The following VWA3A variants were observed in gnomAD, a reference collection of about 807,000 sequenced individuals.
VWA3A encodes von Willebrand factor A domain containing 3A, also known as von Willebrand factor A domain-containing protein 3A.
In VWA3A, 134 loss-of-function variants were observed where a neutral mutation model predicts 160.4. That is an observed-to-expected ratio of 0.84 (90% CI 0.73 to 0.96). VWA3A has a LOEUF of 0.96. VWA3A is among the 40% of genes least tolerant of loss of function. VWA3A has a pLI of 0.00. For synonymous variants in VWA3A, 476 were observed against 543.4 expected (o/e 0.88, Z 1.72); for missense variants, 1,310 against 1,447.9 (o/e 0.90, Z 1.55).
intron 12 of VWA3A, 92 bp downstream of exon 12, chr16:22,119,119 C>G (rs1429889651): frequency 7.3e-7 from 1 of 1,374,030 alleles, no homozygotes; most frequent in Non-Finnish European, 9.6e-7. Context: ...GGGGGCACAG[C>G]TGCCAGTGCC....
At chr16:22,100,375 CT>C in intron 4 of VWA3A, 40 bp from the exon 5 acceptor site, 1 of 1,551,686 alleles carries the variant, frequency 6.4e-7, no homozygotes, top group African/African-American at 1.4e-5. Context: ...ATGCAACCCC[CT>C]GGGCCCGAGA....
In VWA3A at chr16:22,131,599, T is replaced by G. The variant is rs2141958562; in HGVS notation, c.1742T>G (p.Leu581Arg). Reference sequence around the variant, plus strand: ...TGCCTCCGCAGGTGGGCCCTGAACCTGCGGTGTCGGGGCAGCAGGAACGTT... The same window carrying G: ...TGCCTCCGCAGGTGGGCCCTGAACCGGCGGTGTCGGGGCAGCAGGAACGTT... ...LQSAWRWALN[L>R]RCRGSRNVLS... The change falls in exon 19 of 34, where the codon CTG becomes CGG. Residue 581 changes from leucine to arginine, a missense_variant. Leu to Arg is a moderately radical substitution (Grantham distance 102). Transcript: ENST00000389398. The G allele has an allele frequency of 1.2e-6, 2 of 1,613,210 alleles. No homozygotes were observed. Among genetic ancestry groups the G allele is most frequent in the East Asian group, 4.5e-5 (2 of 44,878 alleles).
At chr16:22,125,890 A>G (rs1415480150) in intron 16 of VWA3A, among the ~76,000 whole-genome samples, 3 of 152,214 alleles carry the variant, frequency 2.0e-5, no homozygotes, top group East Asian at 3.9e-4. Context: ...TCTTTAAAAT[A>G]AATCTGTGAA....
At chr16:22,146,122 A>G in intron 26 of VWA3A, 114 bp from the exon 27 acceptor site, 1 of 859,652 alleles carries the variant, frequency 1.2e-6, no homozygotes, top group Non-Finnish European at 1.8e-6. Context: ...GTGCCCAGCC[A>G]ACAAATATTT....
At chr16:22,140,107 TG>T in intron 22 of VWA3A, 46 bp from the exon 23 acceptor site, 3 of 1,578,120 alleles carry the variant, frequency 1.9e-6, no homozygotes, top group Non-Finnish European at 2.6e-6. Context: ...GGATCCTGCG[TG>T]ACACAGGGAA....
In VWA3A at chr16:22,123,669, G is replaced by A. The variant is rs1481979319; in HGVS notation, c.1494G>A (p.Leu498=). 1 of 1,613,926 alleles carries A rather than the reference G, an allele frequency of 6.2e-7. No individual in the cohort carries two copies. Among genetic ancestry groups the A allele is most frequent in the Non-Finnish European group, 8.5e-7 (1 of 1,179,884 alleles). The part of the protein sequence containing the change: ...MYERRIEWLS[L]ASRRIWGTVC... ...AGAGGCGGATTGAGTGGCTCTCCCT[G>A]GCCAGCAGAAGAATCTGGGGCACAG... Residue 498 remains leucine, a synonymous_variant, in exon 16 of 34, where the codon CTG becomes CTA. Coordinates refer to ENST00000389398, the MANE Select transcript of VWA3A (RefSeq NM_173615.5).
At chr16:22,107,840 A>C (rs2045502938) in intron 6 of VWA3A, among the ~76,000 whole-genome samples, 1 of 152,158 alleles carries the variant, frequency 6.6e-6, no homozygotes, top group South Asian at 2.1e-4. Flanking sequence ...TTCAGAAGCA[A>C]GTTCCTAGGG....
At chr16:22,116,639 T>A in intron 9 of VWA3A, 120 bp from the exon 10 acceptor site, 1 of 766,520 alleles carries the variant, frequency 1.3e-6, no homozygotes, top group Non-Finnish European at 2.2e-6. Context: ...ATAGGTGACC[T>A]GTGACACAGG....
intron 15 of VWA3A, 83 bp from the exon 16 acceptor site, chr16:22,123,530 C>T (rs2045784402): frequency 5.0e-6 from 8 of 1,610,396 alleles, no homozygotes; most frequent in South Asian, 3.3e-5. Flanking sequence ...CCCTGAAGCC[C>T]ACCCAGGTAC....
At chr16:22,154,487 C>T (rs1228564399) in intron 31 of VWA3A, among the ~76,000 whole-genome samples, 1 of 151,464 alleles carries the variant, frequency 6.6e-6, no homozygotes, top group East Asian at 2.0e-4. Context: ...TGCCACCACA[C>T]CCAGCTAATT....
At chr16:22,112,975 AAGTACCTGGCTAGTGCC>A (rs1188509074) in intron 8 of VWA3A, among the ~76,000 whole-genome samples, 2 of 152,180 alleles carry the variant, frequency 1.3e-5, no homozygotes, top group African/African-American at 4.8e-5. Context: ...AATGAAAACA[AAGTACCTGGCTAGTGCC>A]AGGTACTCAA....
intron 15 of VWA3A, 62 bp from the exon 16 acceptor site, chr16:22,123,551 C>T (rs756899567): frequency 1.2e-6 from 2 of 1,612,974 alleles, no homozygotes; most frequent in Non-Finnish European, 1.7e-6. Context: ...ACGTACTTCC[C>T]CTCAGGCCCC....
chr16:22,134,238 A>C (rs1187463263), intron 20 of VWA3A, 130 bp from the exon 21 acceptor site: 2 of 682,912 alleles, frequency 2.9e-6, no homozygotes, highest in East Asian at 2.9e-5. Context: ...AAATGCTGGG[A>C]TTACAGGAGT....
At chr16:22,144,455 A>C in intron 26 of VWA3A, 71 bp downstream of exon 26, 2 of 1,567,600 alleles carry the variant, frequency 1.3e-6, no homozygotes, top group Non-Finnish European at 1.7e-6. Flanking sequence ...AGAGCAGTGT[A>C]GGGCACTGTG....
chr16:22,109,418 C>T, intron 6 of VWA3A, 64 bp from the exon 7 acceptor site: 1 of 1,341,048 alleles, frequency 7.5e-7, no homozygotes, highest in Admixed American at 2.0e-5. Flanking sequence ...TGGCACAGAG[C>T]AGCTCAGTGT....
chr16:22,110,256 G>A (rs542388391), intron 7 of VWA3A, among the ~76,000 whole-genome samples: 2 of 152,214 alleles, frequency 1.3e-5, no homozygotes, highest in East Asian at 1.9e-4. Flanking sequence ...TAGAGAAAAA[G>A]CCTCTGCAGC....
At chr16:22,122,187 GGATA>G (rs1372232308) in intron 14 of VWA3A, among the ~76,000 whole-genome samples, 54 of 131,204 alleles carry the variant, frequency 4.1e-4, no homozygotes, top group South Asian at 2.3e-3. Context: ...ATGAGTGGAT[GGATA>G]GATAGATGGA....
intron 23 of VWA3A, 113 bp from the exon 24 acceptor site, chr16:22,141,469 C>T: frequency 1.0e-6 from 1 of 978,242 alleles, no homozygotes; most frequent in Non-Finnish European, 1.6e-6. Context: ...ATCTTGGAGC[C>T]CCATTTCCTG....
rs762397841 is a variant in VWA3A, at chr16:22,118,964, C to T, written c.1053C>T (p.Leu351=). ...AAATTCAGAAGGCCCAGAGCCTCCT[C>T]AGCCACGTGCAAGCCCTGCAGCACA... The part of the protein sequence containing the change: ...LAEIQKAQSL[L]SHVQALQHSS... The change falls in exon 12 of 34, where the codon CTC becomes CTT. Residue 351 remains leucine (L), a synonymous_variant. Coordinates refer to ENST00000389398, the MANE Select transcript of VWA3A (RefSeq NM_173615.5). The T allele has an allele frequency of 1.3e-5, 21 of 1,613,838 alleles. No homozygotes were observed. The highest frequency in any genetic ancestry group is 1.8e-5 in the Non-Finnish European group (21 of 1,179,876).
Sources: allele counts gnomAD v4.1 joint callset (sites outside exome capture counted in the v4.1 genomes callset), GRCh38; gene constraint gnomAD v4.1.1; transcripts MANE v1.5; gene names NCBI Gene and HGNC (gene_info 2026-07-23, HGNC 2026-07-21).